OSMR: variants seen among roughly 807,000 people sequenced by gnomAD.
OSMR encodes oncostatin M receptor, also known as oncostatin-M-specific receptor subunit beta.
Under a neutral mutation model 99.9 loss-of-function variants are expected in OSMR, and 81 were observed. That is an observed-to-expected ratio of 0.81 (90% CI 0.68 to 0.97). The LOEUF (loss-of-function observed/expected upper bound fraction) is 0.97, where lower values mean the gene tolerates loss of function less well. OSMR is among the 50% of genes least tolerant of loss of function. The pLI, the probability that OSMR is intolerant of heterozygous loss-of-function variation, is 0.00. For missense variants in OSMR, 1,099 were observed against 1,153.4 expected (o/e 0.95, Z 0.68); for synonymous variants, 406 against 410.4 (o/e 0.99, Z 0.13).
rs1222926142 is a variant in OSMR, at chr5:38,935,094, C to CA, written c.*1653dup. The CA allele has an allele frequency of 6.6e-6, 1 of 152,534 alleles. No individual in the cohort carries two copies. Among genetic ancestry groups the CA allele is most frequent in the Admixed American group, 6.5e-5 (1 of 15,296 alleles). 9.4% of individuals were successfully genotyped at this position (152,534 alleles called of 1,614,324 possible). On this transcript the variant is annotated 3_prime_UTR_variant, in exon 18 of 18. Coordinates refer to ENST00000274276, the MANE Select transcript of OSMR (RefSeq NM_003999.3). Reference sequence around the variant, plus strand: ...AGGTGATCTGCCTGCCTTGGCCTCCCAAAGTGCTGGGATTACAGGCGTGAG... The same window carrying CA: ...AGGTGATCTGCCTGCCTTGGCCTCCCAAAAGTGCTGGGATTACAGGCGTGAG...
chr5:38,849,073 C>T (rs967339117), intron 1 of OSMR, among the ~76,000 whole-genome samples: 8 of 152,146 alleles, frequency 5.3e-5, no homozygotes, highest in East Asian at 1.9e-4. Flanking sequence ...CCACTGCGCC[C>T]GGCCAGCTAC....
At chr5:38,885,158 G>A (rs917748684) in intron 5 of OSMR, 191 bp from the exon 6 acceptor site, 27 of 984,454 alleles carry the variant, frequency 2.7e-5, no homozygotes, top group Non-Finnish European at 3.0e-5. Flanking sequence ...AGGGCAGGAA[G>A]GAGAAGGGGC....
At chr5:38,875,259 A>G (rs1742722180) in intron 2 of OSMR, among the ~76,000 whole-genome samples, 1 of 152,216 alleles carries the variant, frequency 6.6e-6, no homozygotes, top group Non-Finnish European at 1.5e-5. Flanking sequence ...TGAATCAGCA[A>G]TACACAATTA....
At chr5:38,944,770 AAC>A (rs1747990267) in intron 2 of OSMR, 1 of 869,374 alleles carries the variant, frequency 1.2e-6, no homozygotes, top group African/African-American at 1.7e-5. Context: ...TGCAATAATT[AAC>A]AGTGTTAAAT....
At chr5:38,901,373 A>G (rs1487575201) in intron 7 of OSMR, among the ~76,000 whole-genome samples, 2 of 152,164 alleles carry the variant, frequency 1.3e-5, no homozygotes, top group Non-Finnish European at 2.9e-5. Flanking sequence ...GTCCCTTGGG[A>G]TCTGGGTGGA....
At chr5:38,859,569 T>G (rs1303427649) in intron 1 of OSMR, among the ~76,000 whole-genome samples, 2 of 152,218 alleles carry the variant, frequency 1.3e-5, no homozygotes, top group East Asian at 1.9e-4. Context: ...TAGGATTGCT[T>G]TGGCTATTTG....
In OSMR at chr5:38,881,639, G is replaced by A. The variant is rs762120200; in HGVS notation, c.293G>A (p.Ser98Asn). 4 of 1,614,142 alleles carry A rather than the reference G, an allele frequency of 2.5e-6. No individual in the cohort carries two copies. Among genetic ancestry groups the A allele is most frequent in the South Asian group, 1.1e-5 (1 of 91,082 alleles). Residue 98 changes from serine to asparagine, a missense_variant, in exon 4 of 18, where the codon AGC becomes AAC. Ser to Asn is a conservative substitution (Grantham distance 46). Coordinates refer to ENST00000274276, the MANE Select transcript of OSMR (RefSeq NM_003999.3). ...AAGTGGAACCAGGTTCTGCATTGGA[G>A]CTGGGAATCTGAGCTCCCTTTGGAA... The part of the protein sequence containing the change: ...TVKWNQVLHW[S>N]WESELPLECA...
intron 11 of OSMR, 187 bp downstream of exon 11, chr5:38,919,249 G>A (rs1269846188): frequency 2.0e-6 from 3 of 1,520,530 alleles, no homozygotes; most frequent in Admixed American, 2.0e-5. Context: ...TCAGTGTGGG[G>A]AGAAGGAGAC....
rs1746876766 is a variant in OSMR, at chr5:38,933,412, AC to A, written c.2911del (p.Leu971PhefsTer2). The A allele has an allele frequency of 6.2e-7, 1 of 1,613,596 alleles. No homozygotes were observed. Among genetic ancestry groups the A allele is most frequent in the South Asian group, 1.1e-5 (1 of 91,042 alleles). On this transcript the variant is annotated frameshift_variant, in exon 18 of 18. Coordinates refer to ENST00000274276, the MANE Select transcript of OSMR (RefSeq NM_003999.3). LOFTEE classifies it high-confidence loss of function. ...PTENSSLSSI[T>X]LLDPGEHYC ...CGAGAATAGCAGCCTCTCCTCAATT[AC>A]CCTTTTAGATCCAGGTGAACACTAC...
chr5:38,942,507 A>G (rs1420596310), intron 1 of OSMR: 6 of 495,226 alleles, frequency 1.2e-5, no homozygotes, highest in Non-Finnish European at 2.1e-5. Context: ...ATGCAGCACA[A>G]TGTTGCCATC....
chr5:38,884,053 T>G lies in OSMR; in HGVS notation c.645T>G (p.Cys215Trp). Reference sequence around the variant, plus strand: ...GGAATAAAGGGACAAATATCTATTGTGAGGCAAGTCAAGGAAATGTCAGTG... The same window carrying G: ...GGAATAAAGGGACAAATATCTATTGGGAGGCAAGTCAAGGAAATGTCAGTG... ...FIRNKGTNIY[C>W]EASQGNVSEG... The change falls in exon 5 of 18, where the codon TGT (cysteine) becomes TGG (tryptophan). Residue 215 changes from cysteine (C) to tryptophan (W), a missense_variant. Coordinates refer to ENST00000274276, the MANE Select transcript of OSMR (RefSeq NM_003999.3). 1 of 1,614,096 alleles carries G rather than the reference T, an allele frequency of 6.2e-7. No homozygotes were observed. The highest frequency in any genetic ancestry group is 8.5e-7 in the Non-Finnish European group (1 of 1,179,934).
At chr5:38,907,644 T>A (rs357254) in intron 9 of OSMR, among the ~76,000 whole-genome samples, 1 of 151,992 alleles carries the variant, frequency 6.6e-6, no homozygotes, top group African/African-American at 2.4e-5. Flanking sequence ...TGCCCAACTA[T>A]GGTGCTTCCT....
At chr5:38,929,107 G>T (rs1022192217) in intron 15 of OSMR, among the ~76,000 whole-genome samples, 4 of 152,048 alleles carry the variant, frequency 2.6e-5, no homozygotes, top group Non-Finnish European at 4.4e-5. Flanking sequence ...TATGTGACTA[G>T]CATCCAATTA....
intron 1 of OSMR, among the ~76,000 whole-genome samples, chr5:38,862,973 C>A (rs1288684671): frequency 1.3e-5 from 2 of 151,994 alleles, no homozygotes; most frequent in Non-Finnish European, 2.9e-5. Context: ...ACCAGCCCGG[C>A]CAACACAGCG....
downstream of OSMR, among the ~76,000 whole-genome samples, chr5:38,935,939 C>CTAT (rs1472036596): frequency 6.6e-6 from 1 of 152,184 alleles, no homozygotes; most frequent in African/African-American, 2.4e-5. Context: ...CATAGTATCA[C>CTAT]TATGACCTGT....
At chr5:38,936,905 T>A (rs1297583247), downstream of OSMR, among the ~76,000 whole-genome samples, 2 of 152,358 alleles carry the variant, frequency 1.3e-5, no homozygotes, top group Non-Finnish European at 1.5e-5. Context: ...ACCGAAGTAG[T>A]ACCGTATTTT....
At chr5:38,916,495 G>T (rs1745903801) in intron 9 of OSMR, among the ~76,000 whole-genome samples, 1 of 152,058 alleles carries the variant, frequency 6.6e-6, no homozygotes, top group South Asian at 2.1e-4. Context: ...CCATAGAATT[G>T]TTATGAGGAT....
intron 1 of OSMR, among the ~76,000 whole-genome samples, chr5:38,943,767 T>C (rs1964350): frequency 0.97 from 146,915 of 151,958 alleles, 71,075 homozygotes; most frequent in East Asian, 0.99. Context: ...GAGCCGAGAT[T>C]GCACCACTGC....
chr5:38,905,713 TCCA>T (rs1745184215), intron 9 of OSMR, among the ~76,000 whole-genome samples: 1 of 152,206 alleles, frequency 6.6e-6, no homozygotes, highest in African/African-American at 2.4e-5. Context: ...ACACCAGAGC[TCCA>T]CCCTTAATCA....
Sources: allele counts gnomAD v4.1 joint callset (sites outside exome capture counted in the v4.1 genomes callset), GRCh38; gene constraint gnomAD v4.1.1; transcripts MANE v1.5; gene names NCBI Gene and HGNC (gene_info 2026-07-23, HGNC 2026-07-21).